The following HERC4 variants were observed in gnomAD, a reference collection of about 807,000 sequenced individuals.
HERC4 encodes probable E3 ubiquitin-protein ligase HERC4.
In HERC4, 28 loss-of-function variants were observed where a neutral mutation model predicts 124.3. That is an observed-to-expected ratio of 0.23 (90% CI 0.17 to 0.31). HERC4 has a LOEUF of 0.31. Among genes scored for constraint, HERC4 ranks in the 10% least tolerant of loss-of-function variants. The pLI is 1.00. For synonymous variants in HERC4, 407 were observed against 421.5 expected, an observed-to-expected ratio of 0.97 and a Z score of 0.42; for missense variants, 713 against 1,229.3, an observed-to-expected ratio of 0.58 and a Z score of 6.28.
At chr10:67,946,443 A>AGTGACAAGT (rs2033360456) in intron 19 of HERC4, among the ~76,000 whole-genome samples, 1 of 151,728 alleles carries the variant, frequency 6.6e-6, no homozygotes, top group African/African-American at 2.4e-5. Flanking sequence ...TCACTTGTCA[A>AGTGACAAGT]GACACATATA....
At chr10:68,004,816 C>T (rs1409805837) in intron 9 of HERC4, among the ~76,000 whole-genome samples, 1 of 152,130 alleles carries the variant, frequency 6.6e-6, no homozygotes, top group Admixed American at 6.5e-5. Flanking sequence ...TGAGAACTCA[C>T]TCATTATTAC....
chr10:68,029,820 C>A (rs937703389), intron 7 of HERC4, among the ~76,000 whole-genome samples: 10 of 150,840 alleles, frequency 6.6e-5, no homozygotes, highest in Non-Finnish European at 1.2e-4. Context: ...CTCACTGCAA[C>A]CTCCACCTCC....
intron 15 of HERC4, among the ~76,000 whole-genome samples, chr10:67,976,941 C>T (rs2035627833): frequency 6.6e-6 from 1 of 152,196 alleles, no homozygotes; most frequent in Non-Finnish European, 1.5e-5. Context: ...CTAAAGTGCT[C>T]TGGGGCCCTC....
intron 9 of HERC4, among the ~76,000 whole-genome samples, chr10:67,997,407 T>C (rs1376633543): frequency 6.6e-6 from 1 of 152,238 alleles, no homozygotes; most frequent in Non-Finnish European, 1.5e-5. Flanking sequence ...TTCTTTTCAA[T>C]CATATCATCA....
intron 9 of HERC4, among the ~76,000 whole-genome samples, chr10:68,003,341 T>TG (rs1342841633): frequency 6.8e-6 from 1 of 147,856 alleles, no homozygotes; most frequent in Non-Finnish European, 1.5e-5. Flanking sequence ...TTTTTTTTTT[T>TG]TTTTTGTATT....
chr10:67,984,633 A>G (rs2036152666), intron 15 of HERC4, among the ~76,000 whole-genome samples: 1 of 152,250 alleles, frequency 6.6e-6, no homozygotes, highest in African/African-American at 2.4e-5. Context: ...CCCAGGCTGG[A>G]GTGCAATGGC....
At chr10:67,995,292 A>G (rs765372198) in intron 9 of HERC4, 2 of 455,238 alleles carry the variant, frequency 4.4e-6, no homozygotes, top group South Asian at 3.1e-5. Context: ...ATGCTCATTC[A>G]CTGTAGGTTG....
intron 4 of HERC4, chr10:68,039,923 G>T: frequency 1.0e-6 from 1 of 961,762 alleles, no homozygotes; most frequent in Non-Finnish European, 1.2e-6. Flanking sequence ...CATTCTCACA[G>T]TACTGTATGT....
At chr10:67,988,074 G>C (rs185495764) in intron 15 of HERC4, 1 of 152,118 alleles carries the variant, frequency 6.6e-6, no homozygotes, top group Non-Finnish European at 1.5e-5. Flanking sequence ...CATCTTTAAT[G>C]AAACAGCTCA....
chr10:68,031,925 T>C (rs1308575628), intron 7 of HERC4, among the ~76,000 whole-genome samples: 4 of 152,080 alleles, frequency 2.6e-5, no homozygotes, highest in Non-Finnish European at 4.4e-5. Flanking sequence ...CTAACTTTCG[T>C]ATTTTTAGAA....
chr10:67,936,647 T>C (rs546895494), intron 21 of HERC4, among the ~76,000 whole-genome samples: 2 of 152,364 alleles, frequency 1.3e-5, no homozygotes, highest in South Asian at 4.1e-4. Context: ...CTATCACCCT[T>C]GTTGTAAACT....
intron 24 of HERC4, among the ~76,000 whole-genome samples, chr10:67,923,565 ATTCT>A (rs2030490956): frequency 6.6e-6 from 1 of 151,620 alleles, no homozygotes; most frequent in Non-Finnish European, 1.5e-5. Flanking sequence ...AATTCAAATC[ATTCT>A]TTTTTTTTTG....
intron 23 of HERC4, among the ~76,000 whole-genome samples, chr10:67,929,878 T>C (rs1046873987): frequency 2.7e-5 from 4 of 148,654 alleles, no homozygotes; most frequent in African/African-American, 1.0e-4. Flanking sequence ...AACGGCACGA[T>C]CTCCGGCTCA....
chr10:67,936,024 C>A (rs573401984), intron 22 of HERC4, 129 bp downstream of exon 22: 8 of 537,596 alleles, frequency 1.5e-5, no homozygotes, highest in Non-Finnish European at 2.0e-5. Flanking sequence ...CAGATTATTT[C>A]CTCACTAACC....
rs763740983 is a variant in HERC4, at chr10:68,020,158, C to A, written c.908+5388G>T. Reference sequence around the variant, plus strand: ...AGGGTGACTCCTGACACAGATAAAACCTACAATGATCAAAAACCAAAAATC... The same window carrying A: ...AGGGTGACTCCTGACACAGATAAAAACTACAATGATCAAAAACCAAAAATC... On this transcript the variant is annotated intron_variant, in intron 8 of 24. Transcript: ENST00000373700. 1.3e-4 allele frequency among the ~76,000 whole-genome samples: 20 copies of A among 152,212 alleles called. No homozygotes were observed. The South Asian group carries it at 1.7e-3, about 13-fold the overall frequency.
intron 3 of HERC4, among the ~76,000 whole-genome samples, chr10:68,051,306 C>T (rs1012521039): frequency 5.3e-5 from 8 of 150,914 alleles, no homozygotes; most frequent in Admixed American, 4.6e-4. Context: ...AATATAAATA[C>T]ACACAGACAA....
At chr10:68,059,488 T>TTATAATATTATATATTATAATATTA (rs796555556) in intron 3 of HERC4, among the ~76,000 whole-genome samples, 1 of 121,554 alleles carries the variant, frequency 8.2e-6, no homozygotes, top group Non-Finnish European at 1.6e-5. Flanking sequence ...ATATTATATA[T>TTATAATATTATATATTATAATATTA]TATAACATTA....
rs1298565594 is a variant in HERC4, at chr10:67,953,047, T to C, written c.2337+1548A>G. ...ATTACTTTGGTATGTAATATATTGC[T>C]ATCTACATATATATATATATTTAAA... On this transcript the variant is annotated intron_variant, in intron 19 of 24. Transcript: ENST00000373700. 2.0e-5 allele frequency among the ~76,000 whole-genome samples: 3 copies of C among 152,262 alleles called. No homozygotes were observed. In the East Asian group the frequency reaches 5.8e-4, roughly 29 times the overall value.
intron 15 of HERC4, among the ~76,000 whole-genome samples, chr10:67,972,219 G>GAAAA (rs767498811): frequency 3.9e-5 from 2 of 51,210 alleles, no homozygotes; most frequent in African/African-American, 6.7e-5. Context: ...TGTCTCAAAG[G>GAAAA]AAAAAAAAAA....
Sources: allele counts gnomAD v4.1 joint callset (sites outside exome capture counted in the v4.1 genomes callset), GRCh38; gene constraint gnomAD v4.1.1; transcripts MANE v1.5; gene names NCBI Gene and HGNC (gene_info 2026-07-23, HGNC 2026-07-21).